STAU2: variants seen among roughly 807,000 people sequenced by gnomAD.
STAU2 encodes double-stranded RNA-binding protein Staufen homolog 2.
STAU2 carries 20 observed loss-of-function variants against 65.9 expected under a neutral mutation model. That is an observed-to-expected ratio of 0.30 (90% CI 0.21 to 0.44). The LOEUF (loss-of-function observed/expected upper bound fraction) is 0.44. STAU2 is among the 20% of genes least tolerant of loss of function. The pLI is 1.00. For synonymous variants in STAU2, 232 were observed against 233.9 expected (o/e 0.99, Z 0.07); for missense variants, 558 against 683.9 (o/e 0.82, Z 2.05).
chr8:73,685,168 G>C (rs1818705437), intron 5 of STAU2, among the ~76,000 whole-genome samples: 1 of 152,014 alleles, frequency 6.6e-6, no homozygotes, highest in South Asian at 2.1e-4. Flanking sequence ...AACCATGACT[G>C]TAAGTTTCCT....
intron 6 of STAU2, among the ~76,000 whole-genome samples, chr8:73,662,599 T>TTTGTTGTTGTTGTTGTTGTTGTTGTTG (rs370019142): frequency 1.6e-4 from 24 of 150,584 alleles, no homozygotes; most frequent in African/African-American, 5.9e-4. Context: ...TTCAGGGGTT[T>TTTGTTGTTGTTGTTGTTGTTGTTGTTG]TTGTTGTTGT....
At chr8:73,471,972 T>C (rs1352299975) in intron 13 of STAU2, among the ~76,000 whole-genome samples, 1 of 152,096 alleles carries the variant, frequency 6.6e-6, no homozygotes, top group Non-Finnish European at 1.5e-5. Flanking sequence ...GACTTTCAGA[T>C]CCCTTGAAAT....
At chr8:73,488,697 A>G (rs1821031053) in intron 13 of STAU2, among the ~76,000 whole-genome samples, 1 of 151,604 alleles carries the variant, frequency 6.6e-6, no homozygotes, top group Non-Finnish European at 1.5e-5. Flanking sequence ...CTTAAAAAAA[A>G]AAAAAGCTAT....
chr8:73,673,102 C>T lies in STAU2; in HGVS notation c.410+5G>A. On this transcript the variant is annotated splice_donor_5th_base_variant and intron_variant, in intron 6 of 14. Coordinates refer to ENST00000524300, the MANE Select transcript of STAU2 (RefSeq NM_001164380.2). Reference sequence around the variant, plus strand: ...TAAGAACAAAACCAAAAAAGACATACAAACCTCTGATTGTACATGCCCCGA... The same window carrying T: ...TAAGAACAAAACCAAAAAAGACATATAAACCTCTGATTGTACATGCCCCGA... The T allele has an allele frequency of 6.4e-7, 1 of 1,554,714 alleles. No homozygotes were observed. Among genetic ancestry groups the T allele is most frequent in the Non-Finnish European group, 8.7e-7 (1 of 1,153,142 alleles).
intron 6 of STAU2, among the ~76,000 whole-genome samples, chr8:73,658,091 C>T (rs1292201214): frequency 5.3e-5 from 8 of 151,790 alleles, no homozygotes; most frequent in Admixed American, 3.3e-4. Flanking sequence ...GGACTGGGCA[C>T]GGTGGCTCAC....
chr8:73,687,946 C>T (rs1401024106), intron 5 of STAU2, among the ~76,000 whole-genome samples: 1 of 151,068 alleles, frequency 6.6e-6, no homozygotes, highest in Non-Finnish European at 1.5e-5. Flanking sequence ...AATCTCCTGA[C>T]CTCGTGATCC....
intron 13 of STAU2, among the ~76,000 whole-genome samples, chr8:73,471,775 G>A (rs1358949406): frequency 4.5e-5 from 6 of 132,566 alleles, no homozygotes; most frequent in East Asian, 2.4e-4. Context: ...CTGAGATTGC[G>A]TCACTGCACT....
chr8:73,557,210 G>A (rs1051545258), intron 12 of STAU2, among the ~76,000 whole-genome samples: 11 of 152,304 alleles, frequency 7.2e-5, no homozygotes, highest in African/African-American at 1.4e-4. Flanking sequence ...GCATAAGAAC[G>A]TGGAGTTCAG....
In STAU2 at chr8:73,585,633, C is replaced by T. The variant is rs182717326; in HGVS notation, c.1162-2803G>A. On this transcript the variant is annotated intron_variant, in intron 11 of 14. Coordinates refer to ENST00000524300, the MANE Select transcript of STAU2 (RefSeq NM_001164380.2). ...AGAGATGAGGTCAAAGTAATTACTA[C>T]GAGAACTTCTCTCTTGAAAAGGAGA... 1.4e-3 allele frequency among the ~76,000 whole-genome samples: 216 copies of T among 152,268 alleles called. 1 individual carries two copies. The highest frequency in any genetic ancestry group is 0.014 in the South Asian group (67 of 4,820).
intron 13 of STAU2, among the ~76,000 whole-genome samples, chr8:73,472,263 G>A (rs1242884222): frequency 2.0e-5 from 3 of 152,160 alleles, no homozygotes; most frequent in South Asian, 4.1e-4. Flanking sequence ...AAATAGTGCC[G>A]CTAATGGACT....
intron 3 of STAU2, among the ~76,000 whole-genome samples, chr8:73,721,746 C>T (rs996786411): frequency 2.6e-5 from 4 of 152,134 alleles, no homozygotes; most frequent in African/African-American, 9.7e-5. Flanking sequence ...GACTAGGTTA[C>T]CATATTATAT....
At chr8:73,643,866 C>T (rs982625320) in intron 6 of STAU2, among the ~76,000 whole-genome samples, 5 of 152,178 alleles carry the variant, frequency 3.3e-5, no homozygotes, top group Admixed American at 2.6e-4. Flanking sequence ...ACTCATAACA[C>T]ATTCTGAAGT....
intron 4 of STAU2, among the ~76,000 whole-genome samples, chr8:73,708,248 T>C (rs1168472293): frequency 1.3e-5 from 2 of 152,210 alleles, no homozygotes; most frequent in South Asian, 2.1e-4. Flanking sequence ...TAATAGCCAG[T>C]TGCTTTAAGA....
chr8:73,447,670 G>C (rs1232698679), intron 13 of STAU2, among the ~76,000 whole-genome samples: 1 of 152,218 alleles, frequency 6.6e-6, no homozygotes. Context: ...CAAGGGCCTG[G>C]AAGGGAAGGG....
At chr8:73,483,113 CT>C in intron 13 of STAU2, among the ~76,000 whole-genome samples, 1 of 152,202 alleles carries the variant, frequency 6.6e-6, no homozygotes, top group Non-Finnish European at 1.5e-5. Flanking sequence ...AGTTGCTGGA[CT>C]TTTTCCTCTG....
At chr8:73,473,862 G>A (rs1040040913) in intron 13 of STAU2, among the ~76,000 whole-genome samples, 1 of 152,230 alleles carries the variant, frequency 6.6e-6, no homozygotes, top group Non-Finnish European at 1.5e-5. Context: ...AGCGGGAGGA[G>A]TGAAGAGGAA....
chr8:73,550,969 A>T lies in STAU2; in HGVS notation c.1530+1043T>A, dbSNP rs562650600. ...TACATGATCATTCTACACAATACAGATCTTCTAGAGCATTTCTAAAGGATA... is the reference window on the plus strand; with the variant it reads ...TACATGATCATTCTACACAATACAGTTCTTCTAGAGCATTTCTAAAGGATA... On this transcript the variant is annotated intron_variant, in intron 13 of 14. Transcript: ENST00000524300. 14 of 985,720 alleles carry T rather than the reference A, an allele frequency of 1.4e-5. No individual in the cohort carries two copies. In the South Asian group the frequency reaches 6.6e-4, roughly 46 times the overall value. The allele number at this position is 985,720 out of a possible 1,614,324, so 61.1% of individuals were successfully genotyped here.
intron 4 of STAU2, among the ~76,000 whole-genome samples, chr8:73,692,784 T>C (rs1420112793): frequency 6.6e-6 from 1 of 152,148 alleles, no homozygotes; most frequent in African/African-American, 2.4e-5. Context: ...TTTAGTTAAA[T>C]AGTAGGACAT....
intron 3 of STAU2, among the ~76,000 whole-genome samples, chr8:73,716,042 G>A (rs943117056): frequency 1.3e-5 from 2 of 151,690 alleles, no homozygotes; most frequent in Admixed American, 1.3e-4. Flanking sequence ...AGCCTCCTGA[G>A]TAGCTGGGAT....
Sources: gnomAD v4.1 joint callset for allele counts (sites outside exome capture counted in the v4.1 genomes callset) on GRCh38, gnomAD v4.1.1 for gene constraint, MANE v1.5 for transcripts, NCBI Gene and HGNC (gene_info 2026-07-23, HGNC 2026-07-21) for gene names.